The following RBFOX1 variants were observed in gnomAD, a reference collection of about 807,000 sequenced individuals.
The protein encoded by RBFOX1 is RNA binding fox-1 homolog 1.
Under a neutral mutation model 57.7 loss-of-function variants are expected in RBFOX1, and 8 were observed. The observed-to-expected ratio is 0.14, with a 90% confidence interval of 0.08 to 0.25. The LOEUF is 0.25. RBFOX1 is among the 10% of genes least tolerant of loss of function. The probability of loss-of-function intolerance (pLI) is 1.00; values close to 1 mark genes in which losing one functional copy is unlikely to be tolerated. For synonymous variants in RBFOX1, 326 were observed against 222.4 expected (o/e 1.47, Z -4.15); for missense variants, 611 against 548.5 (o/e 1.11, Z -1.14).
At chr16:5,544,825 C>G (rs1319078592) in intron 2 of RBFOX1, among the ~76,000 whole-genome samples, 1 of 152,098 alleles carries the variant, frequency 6.6e-6, no homozygotes, top group Admixed American at 6.5e-5. Context: ...AAGATATAAA[C>G]TGCTAAAGCT....
intron 1 of RBFOX1, among the ~76,000 whole-genome samples, chr16:6,209,160 G>T (rs1372713700): frequency 1.3e-5 from 2 of 152,192 alleles, no homozygotes; most frequent in Non-Finnish European, 2.9e-5. Flanking sequence ...GGTGAAATCT[G>T]AGCCCTTACT....
intron 4 of RBFOX1, among the ~76,000 whole-genome samples, chr16:7,383,285 A>T (rs2097815710): frequency 6.6e-6 from 1 of 151,936 alleles, no homozygotes; most frequent in Non-Finnish European, 1.5e-5. Flanking sequence ...AAAAAAACGT[A>T]AAATGCAACA....
intron 1 of RBFOX1, among the ~76,000 whole-genome samples, chr16:6,157,435 C>G (rs2096846309): frequency 6.6e-6 from 1 of 152,146 alleles, no homozygotes; most frequent in Non-Finnish European, 1.5e-5. Context: ...CCTACTTACA[C>G]CAGTCATTTC....
chr16:5,432,182 A>G (rs1357432932), intron 1 of RBFOX1, among the ~76,000 whole-genome samples: 1 of 152,198 alleles, frequency 6.6e-6, no homozygotes, highest in Non-Finnish European at 1.5e-5. Flanking sequence ...AGGTGTGGAC[A>G]TCACAACCAT....
chr16:7,161,629 G>A (rs950563900), intron 4 of RBFOX1, among the ~76,000 whole-genome samples: 1 of 152,132 alleles, frequency 6.6e-6, no homozygotes, highest in Admixed American at 6.5e-5. Flanking sequence ...TAATCCCAGG[G>A]AGCTTTCTAT....
chr16:6,468,838 G>A (rs1178705099), intron 2 of RBFOX1, among the ~76,000 whole-genome samples: 2 of 151,782 alleles, frequency 1.3e-5, no homozygotes, highest in Non-Finnish European at 2.9e-5. Context: ...TTGTAACATA[G>A]GTAAACTTGT....
chr16:6,506,615 C>A (rs1489916380), intron 2 of RBFOX1, among the ~76,000 whole-genome samples: 1 of 136,586 alleles, frequency 7.3e-6, no homozygotes, highest in Non-Finnish European at 1.5e-5. Context: ...ATAACAATCA[C>A]AGTAGCTAAT....
intron 1 of RBFOX1, among the ~76,000 whole-genome samples, chr16:5,371,969 A>G (rs2065868866): frequency 1.3e-5 from 2 of 152,102 alleles, no homozygotes; most frequent in African/African-American, 4.8e-5. Flanking sequence ...CCGCGTTTTA[A>G]TGGATGAAGT....
At chr16:7,600,807 G>C (rs1449337213) in intron 9 of RBFOX1, among the ~76,000 whole-genome samples, 1 of 152,176 alleles carries the variant, frequency 6.6e-6, no homozygotes, top group African/African-American at 2.4e-5. Flanking sequence ...GTCCATTATA[G>C]AGGGTTACAG....
At chr16:6,614,753 C>T (rs897142410) in intron 2 of RBFOX1, among the ~76,000 whole-genome samples, 8 of 152,182 alleles carry the variant, frequency 5.3e-5, no homozygotes, top group African/African-American at 1.9e-4. Flanking sequence ...CATTTTCCAT[C>T]TGTCTCTGAC....
At chr16:5,313,188 A>G (rs1439398157) in intron 1 of RBFOX1, among the ~76,000 whole-genome samples, 1 of 152,198 alleles carries the variant, frequency 6.6e-6, no homozygotes, top group African/African-American at 2.4e-5. Flanking sequence ...ACTCAAAGTC[A>G]TGCACAGCCT....
intron 3 of RBFOX1, among the ~76,000 whole-genome samples, chr16:6,894,208 C>T (rs564628122): frequency 6.6e-6 from 1 of 152,286 alleles, no homozygotes; most frequent in South Asian, 2.1e-4. Context: ...AGCTTCACTT[C>T]CATCACTTCT....
intron 1 of RBFOX1, among the ~76,000 whole-genome samples, chr16:6,209,138 A>G (rs2097275157): frequency 6.6e-6 from 1 of 152,230 alleles, no homozygotes; most frequent in South Asian, 2.1e-4. Context: ...AAGTCTCAGC[A>G]TTTACTTTAA....
At chr16:5,958,907 A>C (rs1158830754) in intron 4 of RBFOX1, among the ~76,000 whole-genome samples, 1 of 152,166 alleles carries the variant, frequency 6.6e-6, no homozygotes. Flanking sequence ...GCACACCCTG[A>C]TAGTCCAGGA....
chr16:6,180,349 T>G (rs1189160217), intron 1 of RBFOX1, among the ~76,000 whole-genome samples: 1 of 152,040 alleles, frequency 6.6e-6, no homozygotes, highest in African/African-American at 2.4e-5. Flanking sequence ...GAAATTTTGG[T>G]AGTTTGTGTC....
chr16:7,217,966 G>C (rs1434508974), intron 4 of RBFOX1, among the ~76,000 whole-genome samples: 1 of 151,720 alleles, frequency 6.6e-6, no homozygotes, highest in African/African-American at 2.4e-5. Context: ...ATGTGTACCT[G>C]TGTCTGCGTG....
intron 3 of RBFOX1, among the ~76,000 whole-genome samples, chr16:6,916,794 T>A (rs1194930984): frequency 1.3e-5 from 2 of 152,104 alleles, no homozygotes; most frequent in Non-Finnish European, 2.9e-5. Context: ...GAAGGCTGAG[T>A]TCAAACTTCG....
intron 4 of RBFOX1, among the ~76,000 whole-genome samples, chr16:7,418,012 G>A (rs966584150): frequency 6.6e-6 from 1 of 152,100 alleles, no homozygotes; most frequent in Admixed American, 6.6e-5. Context: ...AGATGTCACT[G>A]TGTGGAGGTC....
chr16:6,304,144 C>G (rs1322887964), intron 1 of RBFOX1, among the ~76,000 whole-genome samples: 1 of 151,648 alleles, frequency 6.6e-6, no homozygotes, highest in African/African-American at 2.4e-5. Context: ...AAAAATTACC[C>G]AGGCGTGGTG....
Sources: gnomAD v4.1 joint callset for allele counts (sites outside exome capture counted in the v4.1 genomes callset) on GRCh38, gnomAD v4.1.1 for gene constraint, MANE v1.5 for transcripts, NCBI Gene and HGNC (gene_info 2026-07-23, HGNC 2026-07-21) for gene names.